The following TOP1 variants were observed in gnomAD, a reference collection of about 807,000 sequenced individuals.
TOP1 encodes DNA topoisomerase 1.
TOP1 carries 10 observed loss-of-function variants against 111.1 expected under a neutral mutation model. That is an observed-to-expected ratio of 0.09 (90% CI 0.06 to 0.15). TOP1 has a LOEUF of 0.15. TOP1 is among the 10% of genes least tolerant of loss of function. TOP1 has a pLI of 1.00. For synonymous variants in TOP1, 271 were observed against 302.9 expected, an observed-to-expected ratio of 0.89 and a Z score of 1.10; for missense variants, 474 against 926.7, an observed-to-expected ratio of 0.51 and a Z score of 6.34.
chr20:41,106,522 C>T lies in TOP1; in HGVS notation c.1308+5169C>T, dbSNP rs778602077. Among the ~76,000 whole-genome samples, 2 of 152,142 alleles carry T rather than the reference C, an allele frequency of 1.3e-5. No homozygotes were observed. Among genetic ancestry groups the T allele is most frequent in the African/African-American group, 2.4e-5 (1 of 41,438 alleles). ...ACAATACAATTGAGTTTCCAATTCA[C>T]GAACATGTTATACCTCTCCATTAAT... is the stretch of plus-strand genomic sequence containing the variant. On this transcript the variant is annotated intron_variant, in intron 13 of 20. Transcript: ENST00000361337. This position sits in a 1 kb window ranked among gnomAD's most constrained non-coding sequence, Gnocchi z 4.3.
chr20:41,099,468 A>G (rs1162488914), intron 11 of TOP1, among the ~76,000 whole-genome samples: 2 of 152,166 alleles, frequency 1.3e-5, no homozygotes, highest in African/African-American at 4.8e-5. Context: ...AGGCAGCACA[A>G]CTTAGTTAAA....
At chr20:41,052,977 G>T (rs1339208880) in intron 2 of TOP1, among the ~76,000 whole-genome samples, 1 of 152,128 alleles carries the variant, frequency 6.6e-6, no homozygotes, top group Admixed American at 6.6e-5. Flanking sequence ...ACAGTAGAGT[G>T]AGACTCTGTC....
At chr20:41,096,397 G>C (rs2033983292) in intron 9 of TOP1, among the ~76,000 whole-genome samples, 2 of 152,158 alleles carry the variant, frequency 1.3e-5, no homozygotes, top group South Asian at 4.1e-4. Flanking sequence ...TAAACAATTG[G>C]ATACACCAGG....
intron 3 of TOP1, among the ~76,000 whole-genome samples, chr20:41,075,381 C>G (rs370956595): frequency 1.3e-5 from 2 of 152,130 alleles, no homozygotes; most frequent in African/African-American, 2.4e-5. Context: ...CTGTGTTAGC[C>G]GGGATGGTCT....
At chr20:41,120,935 G>A (rs2034413093) in intron 18 of TOP1, among the ~76,000 whole-genome samples, 1 of 152,170 alleles carries the variant, frequency 6.6e-6, no homozygotes, top group Non-Finnish European at 1.5e-5. Flanking sequence ...TAGAGACGGG[G>A]TTTCACCGTG....
At chr20:41,033,491 A>G (rs773150163) in intron 2 of TOP1, among the ~76,000 whole-genome samples, 1 of 152,088 alleles carries the variant, frequency 6.6e-6, no homozygotes, top group Non-Finnish European at 1.5e-5. Context: ...ATATTCCAAA[A>G]TTGGGCTGTG....
intron 9 of TOP1, among the ~76,000 whole-genome samples, chr20:41,096,295 T>C (rs2033981761): frequency 6.6e-6 from 1 of 152,228 alleles, no homozygotes; most frequent in South Asian, 2.1e-4. Context: ...CTGGAACTCC[T>C]GACCTCAAGT....
chr20:41,107,287 A>G (rs899696722), intron 13 of TOP1, among the ~76,000 whole-genome samples: 5 of 152,222 alleles, frequency 3.3e-5, no homozygotes, highest in African/African-American at 9.6e-5. Flanking sequence ...TATTTCTTCC[A>G]TAACTTCTAG....
rs1338929487 is a variant in TOP1, at chr20:41,116,022, A to G, written c.1708-256A>G. On this transcript the variant is annotated intron_variant, in intron 16 of 20. Transcript: ENST00000361337. This position sits in a 1 kb window ranked among gnomAD's most constrained non-coding sequence, Gnocchi z 5.6. ...GGGAGGTGGAGGCAGCAGTGAACCG[A>G]GATTGTACCACTGCACTCCAGGCTG... is the stretch of plus-strand genomic sequence containing the variant. Among the ~76,000 whole-genome samples, 2 of 152,268 alleles carry G rather than the reference A, an allele frequency of 1.3e-5. No homozygotes were observed. Among genetic ancestry groups the G allele is most frequent in the East Asian group, 3.9e-4 (2 of 5,180 alleles).
At chr20:41,086,577 C>A (rs6124314) in intron 8 of TOP1, among the ~76,000 whole-genome samples, 7 of 152,038 alleles carry the variant, frequency 4.6e-5, no homozygotes, top group African/African-American at 1.4e-4. Context: ...CAGGCAAGTG[C>A]GCTGGGTCCA....
At chr20:41,075,948 G>C (rs765644662) in intron 3 of TOP1, among the ~76,000 whole-genome samples, 5 of 152,152 alleles carry the variant, frequency 3.3e-5, no homozygotes, top group Admixed American at 6.5e-5. Context: ...TAAAAAAAAT[G>C]TCCTGGTGTG....
intron 2 of TOP1, among the ~76,000 whole-genome samples, chr20:41,050,613 G>A (rs1342976566): frequency 2.6e-5 from 4 of 152,174 alleles, no homozygotes; most frequent in Non-Finnish European, 5.9e-5. Flanking sequence ...GTCTGAATTT[G>A]AGGAGTAAAA....
chr20:41,080,290 T>C lies in TOP1; in HGVS notation c.431+110T>C, dbSNP rs1035814742. The C allele has an allele frequency of 1.6e-6, 1 of 643,276 alleles. No individual in the cohort carries two copies. Among genetic ancestry groups the C allele is most frequent in the Non-Finnish European group, 2.6e-6 (1 of 381,694 alleles). The allele number at this position is 643,276 out of a possible 1,614,324, so 39.8% of individuals were successfully genotyped here. A position where few individuals can be genotyped will look rare whatever the true frequency, so the allele number is the denominator to read the frequency against. ...TATAGAAACTGCATTAATTGGCTTT[T>C]ACTCATTTGGAATTTGTGATTAATG... On this transcript the variant is annotated intron_variant, in intron 6 of 20. Coordinates refer to ENST00000361337, the MANE Select transcript of TOP1 (RefSeq NM_003286.4). This position sits in a 1 kb window ranked among gnomAD's most constrained non-coding sequence, Gnocchi z 5.0.
At position 41,058,118 on chromosome 20, in the gene TOP1, T is replaced by C. The variant is rs545761567; in HGVS notation, c.59-3276T>C. 2.0e-5 allele frequency among the ~76,000 whole-genome samples: 3 copies of C among 152,212 alleles called. No individual in the cohort carries two copies. Among genetic ancestry groups the C allele is most frequent in the African/African-American group, 4.8e-5 (2 of 41,446 alleles). On this transcript the variant is annotated intron_variant, in intron 2 of 20. Transcript: ENST00000361337. This position sits in a 1 kb window ranked among gnomAD's most constrained non-coding sequence, Gnocchi z 4.2. ...TTCCCATCTCTGTAGGATGGGAATT[T>C]CTTACAGTTAGTACTACGGTCATGC...
intron 3 of TOP1, among the ~76,000 whole-genome samples, chr20:41,066,613 G>A (rs2033611211): frequency 7.0e-6 from 1 of 143,198 alleles, no homozygotes; most frequent in Non-Finnish European, 1.5e-5. Context: ...GGAGTGCAGT[G>A]ACACAATCTC....
At chr20:41,084,140 T>C (rs561217729) in intron 7 of TOP1, among the ~76,000 whole-genome samples, 1 of 152,074 alleles carries the variant, frequency 6.6e-6, no homozygotes, top group South Asian at 2.1e-4. Context: ...GTGAGGAAAA[T>C]ACACTCGGAT....
In TOP1 at chr20:41,100,934, C is replaced by A; in HGVS notation, c.1164-275C>A. ...TATGTTGTATATATGGTTCACGCATCCCAGGTGGGACTACAAGAGATTTCA... is the reference window on the plus strand; with the variant it reads ...TATGTTGTATATATGGTTCACGCATACCAGGTGGGACTACAAGAGATTTCA... On this transcript the variant is annotated intron_variant, in intron 12 of 20. Transcript: ENST00000361337. The surrounding 1 kb of genome is among the most constrained non-coding windows in gnomAD (Gnocchi z 4.4). The A allele has an allele frequency of 2.3e-6, 1 of 426,414 alleles. No individual in the cohort carries two copies. Among genetic ancestry groups the A allele is most frequent in the Non-Finnish European group, 4.3e-6 (1 of 231,190 alleles). 26.4% of individuals were successfully genotyped at this position (426,414 alleles called of 1,614,324 possible).
At chr20:41,085,128 C>A (rs2033832676) in intron 8 of TOP1, among the ~76,000 whole-genome samples, 1 of 149,332 alleles carries the variant, frequency 6.7e-6, no homozygotes, top group Non-Finnish European at 1.5e-5. Flanking sequence ...ATACAAAGGG[C>A]TGATATTCCT....
rs1194517136 is a variant in TOP1, at chr20:41,100,866, C to G, written c.1164-343C>G. 3.4e-5 allele frequency: 7 copies of G among 204,278 alleles called. No individual in the cohort carries two copies. Among genetic ancestry groups the G allele is most frequent in the Non-Finnish European group, 7.0e-5 (7 of 100,170 alleles). 12.7% of individuals were successfully genotyped at this position (204,278 alleles called of 1,614,324 possible). A position where few individuals can be genotyped will look rare whatever the true frequency, so the allele number is the denominator to read the frequency against. On this transcript the variant is annotated intron_variant, in intron 12 of 20. Coordinates refer to ENST00000361337, the MANE Select transcript of TOP1 (RefSeq NM_003286.4). The surrounding 1 kb of genome is among the most constrained non-coding windows in gnomAD (Gnocchi z 4.4). Reference sequence around the variant, plus strand: ...ATTAAAGTCAACCTGATAAATAAGGCAGCTACTAGGTTACCCATGGGCAAG... The same window carrying G: ...ATTAAAGTCAACCTGATAAATAAGGGAGCTACTAGGTTACCCATGGGCAAG...
Sources: allele counts gnomAD v4.1 joint callset (sites outside exome capture counted in the v4.1 genomes callset), GRCh38; gene constraint gnomAD v4.1.1; non-coding constraint Gnocchi (gnomAD v3.1); transcripts MANE v1.5; gene names NCBI Gene and HGNC (gene_info 2026-07-23, HGNC 2026-07-21).